GATAD2B: variants seen among roughly 807,000 people sequenced by gnomAD.
The protein encoded by GATAD2B is transcriptional repressor p66-beta.
GATAD2B carries 8 observed loss-of-function variants against 64.3 expected under a neutral mutation model. That is an observed-to-expected ratio of 0.12 (90% CI 0.07 to 0.22). GATAD2B has a LOEUF of 0.22. GATAD2B is among the 10% of genes least tolerant of loss of function. The pLI is 1.00. For missense variants in GATAD2B, 453 were observed against 752.0 expected, an observed-to-expected ratio of 0.60 and a Z score of 4.65; for synonymous variants, 281 against 271.3, an observed-to-expected ratio of 1.04 and a Z score of -0.35.
intron 1 of GATAD2B, among the ~76,000 whole-genome samples, chr1:153,915,467 C>T (rs1335250108): frequency 2.0e-5 from 3 of 151,944 alleles, no homozygotes; most frequent in African/African-American, 7.2e-5. Flanking sequence ...ATTATGAGGG[C>T]AAAGAAGAAA....
At chr1:153,906,287 C>T (rs1408736689) in intron 1 of GATAD2B, among the ~76,000 whole-genome samples, 1 of 151,868 alleles carries the variant, frequency 6.6e-6, no homozygotes, top group Non-Finnish European at 1.5e-5. Flanking sequence ...GGTGTGGTGG[C>T]GTGTGCCTGT....
At chr1:153,901,824 AAAAT>A (rs566630183) in intron 1 of GATAD2B, among the ~76,000 whole-genome samples, 4 of 73,072 alleles carry the variant, frequency 5.5e-5, no homozygotes, top group African/African-American at 1.7e-4. Flanking sequence ...ACTCTTGCTA[AAAAT>A]AAATAAATAA....
intron 1 of GATAD2B, among the ~76,000 whole-genome samples, chr1:153,902,284 A>G (rs1677803575): frequency 6.6e-6 from 1 of 152,174 alleles, no homozygotes; most frequent in South Asian, 2.1e-4. Context: ...TCCATCTCAA[A>G]AAAAAGAAAA....
chr1:153,860,659 T>G (rs1321316365), intron 1 of GATAD2B, among the ~76,000 whole-genome samples: 1 of 151,980 alleles, frequency 6.6e-6, no homozygotes, highest in African/African-American at 2.4e-5. Context: ...TCTTATCTAC[T>G]TAAAAAAAAT....
At chr1:153,875,676 T>G (rs912446185) in intron 1 of GATAD2B, among the ~76,000 whole-genome samples, 1 of 107,852 alleles carries the variant, frequency 9.3e-6, no homozygotes, top group Non-Finnish European at 2.0e-5. Flanking sequence ...TACCACGAGT[T>G]TGGAGGGAAA....
rs570005797 is a variant in GATAD2B at position 153,848,365 on chromosome 1, T to C, written c.-1-20017A>G. 4.6e-5 allele frequency among the ~76,000 whole-genome samples: 7 copies of C among 152,302 alleles called. No individual in the cohort carries two copies. The South Asian group carries it at 1.0e-3, about 23-fold the overall frequency. ...TCCAATAATTATTTACCAATCCTTA[T>C]CTTATTTGAACTTTCAGCAGCATTT... On this transcript the variant is annotated intron_variant, in intron 1 of 10. Coordinates refer to ENST00000368655, the MANE Select transcript of GATAD2B (RefSeq NM_020699.4).
chr1:153,808,645 G>C lies in GATAD2B; in HGVS notation c.*1532C>G, dbSNP rs1674180559. The C allele has an allele frequency of 6.6e-6, 1 of 152,410 alleles. No homozygotes were observed. The highest frequency in any genetic ancestry group is 6.5e-5 in the Admixed American group (1 of 15,272). The allele number at this position is 152,410 out of a possible 1,614,324, so 9.4% of individuals were successfully genotyped here. ...CAGGTGGGTGTACACTATGAGAAGA[G>C]CAGAAACCCGTACCTTTAAGGGGCT... On this transcript the variant is annotated 3_prime_UTR_variant, in exon 11 of 11. Transcript: ENST00000368655.
chr1:153,813,503 T>A (rs1405261471), intron 7 of GATAD2B, 51 bp from the exon 8 acceptor site: 1 of 1,222,386 alleles, frequency 8.2e-7, no homozygotes, highest in African/African-American at 1.5e-5. Flanking sequence ...ATCTCCTCTG[T>A]TTCTCTTAAT....
intron 1 of GATAD2B, among the ~76,000 whole-genome samples, chr1:153,885,522 GA>G (rs1260681317): frequency 6.6e-6 from 1 of 151,986 alleles, no homozygotes; most frequent in Admixed American, 6.6e-5. Flanking sequence ...AGGAGTTCGA[GA>G]CCAGCCTGGC....
chr1:153,892,411 C>T (rs1677443573), intron 1 of GATAD2B, among the ~76,000 whole-genome samples: 1 of 151,852 alleles, frequency 6.6e-6, no homozygotes, highest in African/African-American at 2.4e-5. Flanking sequence ...CTATTGAATC[C>T]AAGGGAAAAA....
At chr1:153,826,070 C>T (rs947328282) in intron 2 of GATAD2B, among the ~76,000 whole-genome samples, 2 of 151,630 alleles carry the variant, frequency 1.3e-5, no homozygotes, top group African/African-American at 4.9e-5. Context: ...GTGGAGCAAT[C>T]GCGGCTCACT....
chr1:153,874,454 C>G (rs1252326991), intron 1 of GATAD2B, among the ~76,000 whole-genome samples: 24 of 152,148 alleles, frequency 1.6e-4, no homozygotes, highest in Admixed American at 1.5e-3. Context: ...TGCTTATTAG[C>G]CATGTCAATA....
At chr1:153,827,964 G>A in intron 2 of GATAD2B, 49 bp downstream of exon 2, 1 of 1,355,044 alleles carries the variant, frequency 7.4e-7, no homozygotes, top group South Asian at 1.2e-5. Context: ...CATTTTCACA[G>A]GCTTTATGAG....
At chr1:153,855,432 T>G (rs969221076) in intron 1 of GATAD2B, among the ~76,000 whole-genome samples, 1 of 152,136 alleles carries the variant, frequency 6.6e-6, no homozygotes, top group African/African-American at 2.4e-5. Context: ...TTTTCCTATG[T>G]TGGCCAGGCA....
chr1:153,810,406 G>A, intron 10 of GATAD2B, 96 bp from the exon 11 acceptor site: 1 of 1,269,928 alleles, frequency 7.9e-7, no homozygotes, highest in Non-Finnish European at 1.1e-6. Context: ...GAGATGGAAA[G>A]GAAGCAGAAT....
chr1:153,915,772 A>C (rs1033728779), intron 1 of GATAD2B, among the ~76,000 whole-genome samples: 1 of 151,410 alleles, frequency 6.6e-6, no homozygotes, highest in Non-Finnish European at 1.5e-5. Flanking sequence ...GAAAAGAAAA[A>C]CCACTGTATT....
chr1:153,867,816 T>C (rs1370755205), intron 1 of GATAD2B, among the ~76,000 whole-genome samples: 1 of 151,594 alleles, frequency 6.6e-6, no homozygotes, highest in Non-Finnish European at 1.5e-5. Flanking sequence ...GCCAACACGG[T>C]GCCACTGCAC....
rs1170907017 is a variant in GATAD2B, at chr1:153,828,448, T to TCA, written c.-1-102_-1-101dup. 321 of 669,630 alleles carry TCA rather than the reference T, an allele frequency of 4.8e-4. 3 individuals are homozygous for TCA. Among genetic ancestry groups the TCA allele is most frequent in the South Asian group, 4.4e-3 (234 of 53,414 alleles). The allele number at this position is 669,630 out of a possible 1,614,324, so 41.5% of individuals were successfully genotyped here. ...GAAGTTATTAACAAGAATCTCTCTC[T>TCA]CACACATACACACACACACACACAC... On this transcript the variant is annotated intron_variant, in intron 1 of 10. Coordinates refer to ENST00000368655, the MANE Select transcript of GATAD2B (RefSeq NM_020699.4).
At chr1:153,858,245 C>T (rs1302056408) in intron 1 of GATAD2B, among the ~76,000 whole-genome samples, 1 of 152,144 alleles carries the variant, frequency 6.6e-6, no homozygotes, top group Non-Finnish European at 1.5e-5. Flanking sequence ...ATAAAGACAT[C>T]ATCATTCCCT....
Sources: gnomAD v4.1 joint callset for allele counts (sites outside exome capture counted in the v4.1 genomes callset) on GRCh38, gnomAD v4.1.1 for gene constraint, MANE v1.5 for transcripts, NCBI Gene and HGNC (gene_info 2026-07-23, HGNC 2026-07-21) for gene names.